The following RPS6KC1 variants were observed in gnomAD, a reference collection of about 807,000 sequenced individuals.
The protein encoded by RPS6KC1 is ribosomal protein S6 kinase C1.
A neutral mutation model predicts 103.8 loss-of-function variants in RPS6KC1; 54 were observed. The observed-to-expected ratio is 0.52, with a 90% CI of 0.42 to 0.65. The LOEUF (loss-of-function observed/expected upper bound fraction) is 0.65. Among genes scored for constraint, RPS6KC1 ranks in the 30% least tolerant of loss-of-function variants. The pLI, the probability that RPS6KC1 is intolerant of heterozygous loss-of-function variation, is 0.00. For missense variants in RPS6KC1, 1,151 were observed against 1,253.8 expected, an observed-to-expected ratio of 0.92 and a Z score of 1.24; for synonymous variants, 439 against 438.7, an observed-to-expected ratio of 1.00 and a Z score of -0.01.
the RPS6KC1 span, among the ~76,000 whole-genome samples, chr1:213,334,720 A>G: frequency 1.3e-5 from 2 of 152,210 alleles, no homozygotes; most frequent in East Asian, 1.9e-4. Context: ...TTAACTGTAC[A>G]ATAAATTTGC....
intron 3 of RPS6KC1, 80 bp from the exon 4 acceptor site, chr1:213,104,374 T>C: frequency 8.9e-6 from 8 of 900,180 alleles, no homozygotes; most frequent in Non-Finnish European, 1.4e-5. Flanking sequence ...TGCTGCTGCT[T>C]TCTGATCTGT....
At chr1:213,462,050 C>T in the RPS6KC1 span, among the ~76,000 whole-genome samples, 1 of 152,126 alleles carries the variant, frequency 6.6e-6, no homozygotes, top group Non-Finnish European at 1.5e-5. Flanking sequence ...TCAGACTCTA[C>T]AAGGAACTTA....
the RPS6KC1 span, among the ~76,000 whole-genome samples, chr1:213,782,844 A>G: frequency 1.3e-5 from 2 of 152,330 alleles, no homozygotes. Context: ...CACAACAGCC[A>G]CTGGTCTAAA....
chr1:213,065,102 G>A (rs2078206687), intron 1 of RPS6KC1, among the ~76,000 whole-genome samples: 1 of 148,386 alleles, frequency 6.7e-6, no homozygotes, highest in Admixed American at 6.9e-5. Flanking sequence ...TCAGCCTCCC[G>A]AGTAGCTGGG....
chr1:213,367,733 C>G, the RPS6KC1 span, among the ~76,000 whole-genome samples: 2 of 152,214 alleles, frequency 1.3e-5, no homozygotes, highest in African/African-American at 4.8e-5. Flanking sequence ...CAGGGGTTCT[C>G]AGACCACACA....
At chr1:213,171,540 A>G (rs1037308384) in intron 7 of RPS6KC1, among the ~76,000 whole-genome samples, 1 of 152,214 alleles carries the variant, frequency 6.6e-6, no homozygotes, top group Non-Finnish European at 1.5e-5. Context: ...ATATTTGTGT[A>G]GTTTCTAAAG....
the RPS6KC1 span, among the ~76,000 whole-genome samples, chr1:213,411,741 C>T: frequency 0.02 from 3,001 of 152,142 alleles, 46 homozygotes; most frequent in Non-Finnish European, 0.03. Context: ...TTCCTGGGGG[C>T]GCTGGGTAAT....
the RPS6KC1 span, chr1:213,843,521 C>T: frequency 6.6e-6 from 1 of 152,308 alleles, no homozygotes; most frequent in African/African-American, 2.4e-5. Context: ...TCTGAAAGTT[C>T]CTTCAGTGCA....
the RPS6KC1 span, among the ~76,000 whole-genome samples, chr1:213,657,229 G>A: frequency 6.6e-6 from 1 of 152,078 alleles, no homozygotes; most frequent in Non-Finnish European, 1.5e-5. Context: ...AGGCAGCCAG[G>A]GAAGATTACT....
At chr1:213,664,091 T>C in the RPS6KC1 span, among the ~76,000 whole-genome samples, 3 of 151,016 alleles carry the variant, frequency 2.0e-5, no homozygotes, top group Admixed American at 1.3e-4. Flanking sequence ...TTCTCTGGCC[T>C]GCACCCAGCT....
At chr1:213,707,995 T>C in the RPS6KC1 span, among the ~76,000 whole-genome samples, 1 of 152,206 alleles carries the variant, frequency 6.6e-6, no homozygotes, top group Non-Finnish European at 1.5e-5. Context: ...AAGTTTGCTC[T>C]TTTTGCTTAG....
chr1:213,809,079 C>T, the RPS6KC1 span, among the ~76,000 whole-genome samples: 2 of 152,194 alleles, frequency 1.3e-5, no homozygotes, highest in Non-Finnish European at 2.9e-5. Context: ...ATGTGCCTCC[C>T]TCACTAAACT....
the RPS6KC1 span, among the ~76,000 whole-genome samples, chr1:213,545,416 A>AAATAAATAAAT: frequency 1.4e-3 from 87 of 64,244 alleles, no homozygotes; most frequent in African/African-American, 2.6e-3. Context: ...ATAAATAAAT[A>AAATAAATAAAT]AAATAAAATA....
chr1:213,099,581 T>G (rs2081826837), intron 3 of RPS6KC1, among the ~76,000 whole-genome samples: 1 of 152,158 alleles, frequency 6.6e-6, no homozygotes, highest in Non-Finnish European at 1.5e-5. Context: ...GACAAACATA[T>G]ACCTGTATAA....
the RPS6KC1 span, among the ~76,000 whole-genome samples, chr1:213,617,626 G>T: frequency 1.4e-4 from 22 of 152,180 alleles, no homozygotes; most frequent in Non-Finnish European, 2.4e-4. Flanking sequence ...TAAGGGGAAT[G>T]TTGAGTAGAA....
chr1:213,454,265 A>G, the RPS6KC1 span, among the ~76,000 whole-genome samples: 6 of 152,210 alleles, frequency 3.9e-5, no homozygotes, highest in Non-Finnish European at 5.9e-5. Context: ...CGTGAAATTT[A>G]TTAATATGAA....
At chr1:213,564,886 A>C in the RPS6KC1 span, among the ~76,000 whole-genome samples, 1 of 152,214 alleles carries the variant, frequency 6.6e-6, no homozygotes, top group Non-Finnish European at 1.5e-5. Context: ...TTTAGTCTCC[A>C]TACTGGACCC....
rs768169969 is a variant in RPS6KC1, at chr1:213,232,120, C to T, written c.1093-3C>T. On this transcript the variant is annotated splice_region_variant and splice_polypyrimidine_tract_variant and intron_variant, in intron 9 of 14. Transcript: ENST00000366960. ...TACAACTGACCTTTTTGTTCTCTGT[C>T]AGGGTCTAAGGAAAAGCAGTGAATA... The T allele has an allele frequency of 1.2e-6, 2 of 1,613,474 alleles. No individual in the cohort carries two copies. The highest frequency in any genetic ancestry group is 1.7e-6 in the Non-Finnish European group (2 of 1,179,756).
At chr1:213,707,668 G>A in the RPS6KC1 span, among the ~76,000 whole-genome samples, 6 of 152,246 alleles carry the variant, frequency 3.9e-5, no homozygotes, top group South Asian at 2.1e-4. Flanking sequence ...GGTTTTTATC[G>A]TTTTATGTCT....
Sources: allele counts gnomAD v4.1 joint callset (sites outside exome capture counted in the v4.1 genomes callset), GRCh38; gene constraint gnomAD v4.1.1; transcripts MANE v1.5; gene names NCBI Gene and HGNC (gene_info 2026-07-23, HGNC 2026-07-21).